RBMS3: variants seen among roughly 807,000 people sequenced by gnomAD.
The protein encoded by RBMS3 is RNA-binding motif, single-stranded-interacting protein 3.
Under a neutral mutation model 66.8 loss-of-function variants are expected in RBMS3, and 27 were observed. The observed-to-expected ratio is 0.40, with a 90% CI of 0.30 to 0.56. The LOEUF (loss-of-function observed/expected upper bound fraction) is 0.56, where lower values mean the gene tolerates loss of function less well. Among genes scored for constraint, RBMS3 ranks in the 20% least tolerant of loss-of-function variants. RBMS3 has a pLI of 0.40. For missense variants in RBMS3, 513 were observed against 549.5 expected (o/e 0.93, Z 0.66); for synonymous variants, 188 against 183.0 (o/e 1.03, Z -0.22).
intron 2 of RBMS3, among the ~76,000 whole-genome samples, chr3:29,482,048 C>T (rs750961824): frequency 1.3e-5 from 2 of 152,042 alleles, no homozygotes; most frequent in African/African-American, 2.4e-5. Flanking sequence ...AGTTCAGATT[C>T]AAGTCTATAT....
intron 12 of RBMS3, among the ~76,000 whole-genome samples, chr3:29,968,268 C>T (rs1049734975): frequency 6.6e-6 from 1 of 152,178 alleles, no homozygotes; most frequent in Admixed American, 6.5e-5. Flanking sequence ...AGGCTTTCTG[C>T]CTCCCAGCTG....
chr3:29,462,586 C>G (rs186205927), intron 2 of RBMS3, among the ~76,000 whole-genome samples: 1 of 152,326 alleles, frequency 6.6e-6, no homozygotes, highest in Admixed American at 6.5e-5. Flanking sequence ...TACCCACTCT[C>G]TCTGTGTTTC....
intron 4 of RBMS3, among the ~76,000 whole-genome samples, chr3:29,637,491 A>G (rs1208292467): frequency 6.6e-6 from 1 of 151,834 alleles, no homozygotes; most frequent in East Asian, 1.9e-4. Flanking sequence ...TGCTTCTAAA[A>G]TAGTCTGATT....
intron 6 of RBMS3, among the ~76,000 whole-genome samples, chr3:29,834,927 T>C (rs2058466683): frequency 6.6e-6 from 1 of 151,970 alleles, no homozygotes. Context: ...AGACTGAAAG[T>C]ACAGGGGTGG....
At chr3:29,754,934 A>C (rs1214215576) in intron 5 of RBMS3, among the ~76,000 whole-genome samples, 1 of 152,164 alleles carries the variant, frequency 6.6e-6, no homozygotes. Context: ...GGGGAGAGAC[A>C]GCCATGACTG....
At chr3:29,769,020 C>T (rs2149391777) in intron 6 of RBMS3, among the ~76,000 whole-genome samples, 1 of 151,968 alleles carries the variant, frequency 6.6e-6, no homozygotes, top group Middle Eastern at 3.4e-3. Flanking sequence ...GTATTCACTT[C>T]ACTAAAATAG....
intron 6 of RBMS3, among the ~76,000 whole-genome samples, chr3:29,793,274 G>T (rs1240493943): frequency 6.6e-6 from 1 of 151,200 alleles, no homozygotes; most frequent in Non-Finnish European, 1.5e-5. Context: ...AGCAGAAAGA[G>T]AAACCTAGTA....
chr3:29,448,842 G>C (rs1024378994), intron 2 of RBMS3, among the ~76,000 whole-genome samples: 2 of 152,166 alleles, frequency 1.3e-5, no homozygotes, highest in Admixed American at 6.5e-5. Context: ...ACAGAACTGA[G>C]GCACTAAGAG....
intron 12 of RBMS3, among the ~76,000 whole-genome samples, chr3:29,954,650 T>C (rs566997770): frequency 4.6e-5 from 7 of 152,140 alleles, no homozygotes; most frequent in African/African-American, 1.7e-4. Context: ...AGAGGTGTTT[T>C]GGTGCACTCT....
intron 1 of RBMS3, among the ~76,000 whole-genome samples, chr3:29,317,164 G>GTA (rs2034732265): frequency 6.6e-6 from 1 of 151,708 alleles, no homozygotes; most frequent in Non-Finnish European, 1.5e-5. Flanking sequence ...TTCATATTGC[G>GTA]TACTGTGACA....
Position 30,006,589 on chromosome 3 carries a change from T to G in RBMS3, c.*2727T>G, listed in dbSNP as rs1414728582. ...TTTGAAAAGTGGGCCCCAAAGTTTT[T>G]TGGGGTACAAAAAGACATGTATGAG... is the stretch of plus-strand genomic sequence containing the variant. On this transcript the variant is annotated 3_prime_UTR_variant, in exon 15 of 15. Transcript: ENST00000383767. 6.6e-6 allele frequency: 1 copy of G among 151,886 alleles called. No individual in the cohort carries two copies. Among genetic ancestry groups the G allele is most frequent in the African/African-American group, 2.4e-5 (1 of 41,424 alleles). 9.4% of individuals were successfully genotyped at this position (151,886 alleles called of 1,614,324 possible).
chr3:29,800,554 A>T (rs2057356272), intron 6 of RBMS3, among the ~76,000 whole-genome samples: 1 of 152,196 alleles, frequency 6.6e-6, no homozygotes, highest in South Asian at 2.1e-4. Flanking sequence ...AAGGCTATAC[A>T]TCATAAAATC....
intron 4 of RBMS3, among the ~76,000 whole-genome samples, chr3:29,668,321 C>G (rs2050851298): frequency 6.6e-6 from 1 of 152,200 alleles, no homozygotes; most frequent in Non-Finnish European, 1.5e-5. Context: ...CTGTCTAACA[C>G]TGCTGTAGGA....
At chr3:29,482,624 C>G (rs1363506476) in intron 2 of RBMS3, among the ~76,000 whole-genome samples, 1 of 149,648 alleles carries the variant, frequency 6.7e-6, no homozygotes, top group Non-Finnish European at 1.5e-5. Flanking sequence ...TAAGTTGTTA[C>G]TATATTGGCT....
intron 1 of RBMS3, among the ~76,000 whole-genome samples, chr3:29,299,846 A>G (rs2033550321): frequency 6.6e-6 from 1 of 151,908 alleles, no homozygotes; most frequent in Non-Finnish European, 1.5e-5. Context: ...CTGTACTTAC[A>G]AATCTTCATA....
chr3:29,897,040 T>C (rs2060138180), intron 8 of RBMS3, among the ~76,000 whole-genome samples: 1 of 151,632 alleles, frequency 6.6e-6, no homozygotes, highest in Non-Finnish European at 1.5e-5. Flanking sequence ...GTCACTTTTG[T>C]AAAGCTTGGT....
At chr3:29,489,055 T>C (rs975013470) in intron 3 of RBMS3, among the ~76,000 whole-genome samples, 2 of 152,226 alleles carry the variant, frequency 1.3e-5, no homozygotes, top group African/African-American at 4.8e-5. Context: ...TCATGTTTCT[T>C]CATGTCTGGG....
chr3:29,421,090 G>GCAA (rs1191412648), intron 1 of RBMS3, among the ~76,000 whole-genome samples: 3 of 151,544 alleles, frequency 2.0e-5, no homozygotes, highest in African/African-American at 7.3e-5. Flanking sequence ...TCCAGCCTGG[G>GCAA]CAACAGAGCG....
chr3:29,598,506 A>G (rs1049131218), intron 4 of RBMS3, among the ~76,000 whole-genome samples: 9 of 152,034 alleles, frequency 5.9e-5, no homozygotes, highest in African/African-American at 2.2e-4. Flanking sequence ...TCTATACTTA[A>G]TTATTTTATA....
Sources: allele counts gnomAD v4.1 joint callset (sites outside exome capture counted in the v4.1 genomes callset), GRCh38; gene constraint gnomAD v4.1.1; transcripts MANE v1.5; gene names NCBI Gene and HGNC (gene_info 2026-07-23, HGNC 2026-07-21).